The following UBE2E2 variants were observed in gnomAD, a reference collection of about 807,000 sequenced individuals.
The protein encoded by UBE2E2 is ubiquitin conjugating enzyme E2 E2.
Under a neutral mutation model 24.7 loss-of-function variants are expected in UBE2E2, and 6 were observed. The observed-to-expected ratio is 0.24, with a 90% confidence interval of 0.13 to 0.48. UBE2E2 has a LOEUF of 0.48. UBE2E2 is among the 20% of genes least tolerant of loss of function. UBE2E2 has a pLI of 0.99. For synonymous variants in UBE2E2, 104 were observed against 83.6 expected, an observed-to-expected ratio of 1.24 and a Z score of -1.33; for missense variants, 169 against 245.0, an observed-to-expected ratio of 0.69 and a Z score of 2.07.
chr3:23,302,305 C>T (rs934565577), intron 3 of UBE2E2, among the ~76,000 whole-genome samples: 1 of 152,202 alleles, frequency 6.6e-6, no homozygotes, highest in Non-Finnish European at 1.5e-5. Flanking sequence ...TTCCCTTACC[C>T]TATCCAACCA....
chr3:23,430,200 A>G (rs1314055839), intron 3 of UBE2E2, among the ~76,000 whole-genome samples: 1 of 152,182 alleles, frequency 6.6e-6, no homozygotes, highest in Non-Finnish European at 1.5e-5. Context: ...CTTGGATCTT[A>G]TCTCTGCCAC....
At chr3:23,337,095 A>C (rs907219318) in intron 3 of UBE2E2, among the ~76,000 whole-genome samples, 5 of 151,590 alleles carry the variant, frequency 3.3e-5, no homozygotes, top group African/African-American at 9.7e-5. Context: ...AGCCGAGATC[A>C]TGCTACTGCA....
intron 3 of UBE2E2, among the ~76,000 whole-genome samples, chr3:23,469,700 A>G (rs1289171950): frequency 6.6e-6 from 1 of 152,236 alleles, no homozygotes. Context: ...TCTCCTTAAT[A>G]TTATACATGA....
chr3:23,527,827 AC>A (rs1385412301), intron 4 of UBE2E2, among the ~76,000 whole-genome samples: 1 of 145,382 alleles, frequency 6.9e-6, no homozygotes, highest in Non-Finnish European at 1.5e-5. Context: ...CCACCACCCC[AC>A]CCCACCCCTT....
At chr3:23,471,992 G>A (rs1699041014) in intron 3 of UBE2E2, among the ~76,000 whole-genome samples, 2 of 143,068 alleles carry the variant, frequency 1.4e-5, no homozygotes, top group South Asian at 4.4e-4. Context: ...TAAGATAAAA[G>A]AATACAGGGC....
At chr3:23,349,528 C>T (rs922748548) in intron 3 of UBE2E2, among the ~76,000 whole-genome samples, 7 of 152,228 alleles carry the variant, frequency 4.6e-5, no homozygotes, top group Non-Finnish European at 1.0e-4. Flanking sequence ...TCACTCCCAT[C>T]CTAATACTGC....
chr3:23,542,959 T>A (rs934978327), intron 5 of UBE2E2, among the ~76,000 whole-genome samples: 1 of 152,216 alleles, frequency 6.6e-6, no homozygotes, highest in South Asian at 2.1e-4. Context: ...TAGCTGTTGA[T>A]ACAAATTTTC....
At chr3:23,503,372 G>A (rs1402097303) in intron 4 of UBE2E2, among the ~76,000 whole-genome samples, 2 of 151,502 alleles carry the variant, frequency 1.3e-5, no homozygotes, top group Non-Finnish European at 2.9e-5. Flanking sequence ...TGTATTTTTA[G>A]TGGAGACAGG....
At chr3:23,238,009 A>G (rs17012869) in intron 3 of UBE2E2, among the ~76,000 whole-genome samples, 106,940 of 151,908 alleles carry the variant, frequency 0.7, 38,586 homozygotes, top group African/African-American at 0.85. Context: ...AAATACATTC[A>G]GGACTCACAG....
At chr3:23,546,727 C>T (rs1037250818) in intron 5 of UBE2E2, among the ~76,000 whole-genome samples, 4 of 151,978 alleles carry the variant, frequency 2.6e-5, no homozygotes, top group African/African-American at 9.7e-5. Context: ...CCCACCTCAG[C>T]CTCCCAAATT....
intron 5 of UBE2E2, 65 bp downstream of exon 5, chr3:23,532,766 A>AACAAGTTACTAAGGGT: frequency 7.2e-7 from 1 of 1,387,874 alleles, no homozygotes; most frequent in Non-Finnish European, 9.6e-7. Context: ...ACCCTTAGTA[A>AACAAGTTACTAAGGGT]CTTGTTTACT....
At chr3:23,559,183 T>A (rs1166715820) in intron 5 of UBE2E2, among the ~76,000 whole-genome samples, 2 of 152,162 alleles carry the variant, frequency 1.3e-5, no homozygotes, top group African/African-American at 4.8e-5. Flanking sequence ...AGAGAAATAA[T>A]TCCTCATTTT....
At chr3:23,458,542 C>G (rs578220433) in intron 3 of UBE2E2, among the ~76,000 whole-genome samples, 1 of 151,982 alleles carries the variant, frequency 6.6e-6, no homozygotes, top group Non-Finnish European at 1.5e-5. Flanking sequence ...CTCAGCCTCC[C>G]GAGTAGCTGG....
intron 3 of UBE2E2, among the ~76,000 whole-genome samples, chr3:23,398,324 C>CA (rs57071884): frequency 3.6e-5 from 5 of 140,720 alleles, no homozygotes; most frequent in Admixed American, 1.4e-4. Context: ...AAAAAAAAAA[C>CA]AAAAAAAAAC....
chr3:23,454,965 T>C lies in UBE2E2; in HGVS notation c.228-44643T>C, dbSNP rs73821815. On this transcript the variant is annotated intron_variant, in intron 3 of 5. Coordinates refer to ENST00000396703, the MANE Select transcript of UBE2E2 (RefSeq NM_152653.4). ...GTGTATCCGAGATTATGAAAAGTCA[T>C]TGAAGCCAAGTGTGGGGACTTGATC... is the stretch of plus-strand genomic sequence containing the variant. Among the ~76,000 whole-genome samples the C allele has an allele frequency of 6.6e-3, 1,013 of 152,352 alleles. 11 individuals are homozygous for C. The highest frequency in any genetic ancestry group is 0.023 in the African/African-American group (972 of 41,576).
At position 23,571,602 on chromosome 3, in the gene UBE2E2, G is replaced by T. The variant is rs972867907; in HGVS notation, c.509-18132G>T. Among the ~76,000 whole-genome samples, 3 of 151,982 alleles carry T rather than the reference G, an allele frequency of 2.0e-5. No individual in the cohort carries two copies. In the East Asian group the frequency reaches 5.8e-4, roughly 29 times the overall value. On this transcript the variant is annotated intron_variant, in intron 5 of 5. Coordinates refer to ENST00000396703, the MANE Select transcript of UBE2E2 (RefSeq NM_152653.4). ...CACGCCCAGCCTGTGCTCCCTTCTT[G>T]ATAGGACACTGACAAGATAGCAAGG...
intron 4 of UBE2E2, among the ~76,000 whole-genome samples, chr3:23,519,193 A>C (rs1405747411): frequency 2.6e-5 from 4 of 151,726 alleles, no homozygotes; most frequent in Non-Finnish European, 5.9e-5. Flanking sequence ...GAATTAGCAC[A>C]TTCTCAAATA....
At chr3:23,311,086 C>T (rs2125276929) in intron 3 of UBE2E2, among the ~76,000 whole-genome samples, 1 of 152,220 alleles carries the variant, frequency 6.6e-6, no homozygotes. Context: ...CAGTTCCCAC[C>T]TATGAATGAG....
chr3:23,483,554 GT>G (rs1699299914), intron 3 of UBE2E2, among the ~76,000 whole-genome samples: 1 of 152,196 alleles, frequency 6.6e-6, no homozygotes, highest in Admixed American at 6.5e-5. Flanking sequence ...ATATTCTTAT[GT>G]GGATTTTATT....
Sources: gnomAD v4.1 joint callset for allele counts (sites outside exome capture counted in the v4.1 genomes callset) on GRCh38, gnomAD v4.1.1 for gene constraint, MANE v1.5 for transcripts, NCBI Gene and HGNC (gene_info 2026-07-23, HGNC 2026-07-21) for gene names.